Variants in TBC1D32 observed in about 807,000 individuals in gnomAD.
The protein encoded by TBC1D32 is TBC1 domain family member 32, also known as protein broad-minded.
In TBC1D32, 151 loss-of-function variants were observed where a neutral mutation model predicts 170.3. The ratio of observed to expected loss-of-function variants is 0.89; its 90% CI spans 0.78 to 1.01. The LOEUF is 1.01. Ranked by LOEUF, TBC1D32 falls within the 50% of genes least tolerant of loss-of-function variation. TBC1D32 has a pLI of 0.00. For synonymous variants in TBC1D32, 498 were observed against 488.0 expected (o/e 1.02, Z -0.27); for missense variants, 1,464 against 1,457.1 (o/e 1.00, Z -0.08).
chr6:121,226,245 A>C (rs1795046906), intron 20 of TBC1D32, among the ~76,000 whole-genome samples: 1 of 152,142 alleles, frequency 6.6e-6, no homozygotes, highest in South Asian at 2.1e-4. Flanking sequence ...GTGCAGGACA[A>C]AATACACTAT....
intron 26 of TBC1D32, among the ~76,000 whole-genome samples, chr6:121,116,922 T>C (rs1299303377): frequency 6.6e-6 from 1 of 152,188 alleles, no homozygotes; most frequent in East Asian, 1.9e-4. Context: ...AAATTAACTC[T>C]GAACATTTCA....
At chr6:121,229,099 CTTTAT>C (rs1342195140) in intron 20 of TBC1D32, among the ~76,000 whole-genome samples, 1 of 151,908 alleles carries the variant, frequency 6.6e-6, no homozygotes, top group Non-Finnish European at 1.5e-5. Context: ...TCCAACTTAT[CTTTAT>C]CTTTAAAGTG....
intron 21 of TBC1D32, among the ~76,000 whole-genome samples, chr6:121,209,500 C>T (rs1465200641): frequency 6.6e-6 from 1 of 152,172 alleles, no homozygotes; most frequent in Admixed American, 6.5e-5. Flanking sequence ...TTTCCCATCC[C>T]TAGCCACCAC....
At chr6:121,236,889 T>TCCA (rs1796398497) in intron 20 of TBC1D32, 1 of 152,052 alleles carries the variant, frequency 6.6e-6, no homozygotes, top group Non-Finnish European at 1.5e-5. Context: ...CCACTATGTA[T>TCCA]CATAATTTTG....
At chr6:121,118,646 G>C (rs1377685380) in intron 26 of TBC1D32, among the ~76,000 whole-genome samples, 1 of 152,124 alleles carries the variant, frequency 6.6e-6, no homozygotes, top group Non-Finnish European at 1.5e-5. Flanking sequence ...CAAATCCATG[G>C]TTGGAGAGGC....
At position 121,281,572 on chromosome 6, in the gene TBC1D32, G is replaced by A. The variant is rs543310549; in HGVS notation, c.1580C>T (p.Pro527Leu). The change falls in exon 14 of 32, where the codon CCT becomes CTT. Residue 527 changes from proline to leucine, a missense_variant. Coordinates refer to ENST00000398212, the MANE Select transcript of TBC1D32 (RefSeq NM_152730.6). The stretch of plus-strand genomic sequence containing the variant: ...ATTTCCTTTCATTAAATTGTGAATA[G>A]GCTGAAGAAGTGTCTCTATTACAAT... ...NNIVIETLLQ[P>L]IHNLMKGNEA... The A allele has an allele frequency of 6.2e-7, 1 of 1,605,424 alleles. No individual in the cohort carries two copies. The highest frequency in any genetic ancestry group is 1.7e-5 in the Admixed American group (1 of 58,894).
At chr6:121,211,349 C>T (rs76469096) in intron 21 of TBC1D32, among the ~76,000 whole-genome samples, 2,279 of 152,074 alleles carry the variant, frequency 0.015, 41 homozygotes, top group African/African-American at 0.044. Context: ...CAAAAATAAA[C>T]GTCACTTTCA....
rs113258666 is a variant in TBC1D32, at chr6:121,294,717, T to C, written c.1141-57A>G. The C allele has an allele frequency of 3.8e-3, 4,826 of 1,277,106 alleles. 14 individuals are homozygous for C. Among genetic ancestry groups the C allele is most frequent in the Non-Finnish European group, 4.8e-3 (4,255 of 883,396 alleles). 79.1% of individuals were successfully genotyped at this position (1,277,106 alleles called of 1,614,324 possible). A position where few individuals can be genotyped will look rare whatever the true frequency, so the allele number is the denominator to read the frequency against. ...CTTTGCAGCCCTCAAGTCCAAGAAT[T>C]AAAAGAAATTAGTCAAAGCTGTAAA... On this transcript the variant is annotated intron_variant, in intron 10 of 31. Coordinates refer to ENST00000398212, the MANE Select transcript of TBC1D32 (RefSeq NM_152730.6).
chr6:121,172,647 T>C (rs569736443), intron 22 of TBC1D32, among the ~76,000 whole-genome samples: 17 of 152,320 alleles, frequency 1.1e-4, no homozygotes, highest in African/African-American at 4.1e-4. Context: ...GCTATGACCA[T>C]GTGACCAGCT....
At chr6:121,116,010 T>C (rs1035661507) in intron 26 of TBC1D32, among the ~76,000 whole-genome samples, 5 of 152,078 alleles carry the variant, frequency 3.3e-5, no homozygotes, top group Admixed American at 3.3e-4. Flanking sequence ...GCATTCAGGG[T>C]CTAGCTGAAA....
rs532100891 is a variant in TBC1D32 at position 121,330,316 on chromosome 6, G to A, written c.155+3960C>T. ...CTCAAAGTGCTGGGTTTACAGGTGTGAGCCACTGAGCCCAGCCCCGAGGGA... is the reference window on the plus strand; with the variant it reads ...CTCAAAGTGCTGGGTTTACAGGTGTAAGCCACTGAGCCCAGCCCCGAGGGA... On this transcript the variant is annotated intron_variant, in intron 1 of 31. Coordinates refer to ENST00000398212, the MANE Select transcript of TBC1D32 (RefSeq NM_152730.6). 2.3e-3 allele frequency among the ~76,000 whole-genome samples: 347 copies of A among 152,250 alleles called. 1 individual carries two copies. Among genetic ancestry groups the A allele is most frequent in the African/African-American group, 8.1e-3 (335 of 41,542 alleles).
intron 26 of TBC1D32, chr6:121,115,448 A>T: frequency 2.4e-6 from 1 of 410,034 alleles, no homozygotes; most frequent in Non-Finnish European, 4.4e-6. Context: ...TCCCATAAAA[A>T]GCATTGGAAA....
At position 121,180,709 on chromosome 6, in the gene TBC1D32, G is replaced by A. The variant is rs75593099; in HGVS notation, c.2571-19653C>T. ...TGGGTAAGCCTTCAAAAGCAAAGGCGACAATGCAAACGTAGACAAATGAGA... is the reference window on the plus strand; with the variant it reads ...TGGGTAAGCCTTCAAAAGCAAAGGCAACAATGCAAACGTAGACAAATGAGA... On this transcript the variant is annotated intron_variant, in intron 22 of 31. Coordinates refer to ENST00000398212, the MANE Select transcript of TBC1D32 (RefSeq NM_152730.6). Among the ~76,000 whole-genome samples the A allele has an allele frequency of 9.2e-3, 1,395 of 152,138 alleles. 24 individuals are homozygous for A. The highest frequency in any genetic ancestry group is 0.031 in the African/African-American group (1,280 of 41,522).
Position 121,230,909 on chromosome 6 carries a change from C to A in TBC1D32, c.2365-7557G>T, listed in dbSNP as rs140279465. 9.1e-4 allele frequency among the ~76,000 whole-genome samples: 138 copies of A among 152,072 alleles called. 2 individuals are homozygous for A. Among genetic ancestry groups the A allele is most frequent in the African/African-American group, 3.0e-3 (125 of 41,484 alleles). ...CATCACCTGAGTAGTGTACCCTGTA[C>A]CCAGTGTGTAGTCTCTTATCCATCA... is the stretch of plus-strand genomic sequence containing the variant. On this transcript the variant is annotated intron_variant, in intron 20 of 31. Transcript: ENST00000398212.
chr6:121,126,945 C>A (rs1780922238), intron 25 of TBC1D32, among the ~76,000 whole-genome samples: 1 of 152,116 alleles, frequency 6.6e-6, no homozygotes, highest in African/African-American at 2.4e-5. Context: ...AAGGCTTGAC[C>A]TATCTGGCTT....
At chr6:121,199,222 A>G (rs1189366069) in intron 22 of TBC1D32, among the ~76,000 whole-genome samples, 4 of 151,482 alleles carry the variant, frequency 2.6e-5, no homozygotes, top group Non-Finnish European at 5.9e-5. Context: ...TTTAAAAATA[A>G]AAAAACACCT....
intron 15 of TBC1D32, among the ~76,000 whole-genome samples, chr6:121,270,206 G>C (rs1365641058): frequency 2.0e-5 from 3 of 152,056 alleles, no homozygotes; most frequent in African/African-American, 7.2e-5. Context: ...AAAAGAACTA[G>C]AGAAGCAAGA....
intron 22 of TBC1D32, chr6:121,192,500 G>A (rs1314812): frequency 0.12 from 17,713 of 152,094 alleles, 1,487 homozygotes; most frequent in Admixed American, 0.23. Flanking sequence ...CAGAAGCTGA[G>A]GCTCAAATCC....
At chr6:121,277,852 T>A (rs1802442459) in intron 15 of TBC1D32, among the ~76,000 whole-genome samples, 1 of 150,622 alleles carries the variant, frequency 6.6e-6, no homozygotes, top group African/African-American at 2.4e-5. Context: ...CAGTAAAATT[T>A]ATAAGCCTCT....
Sources: gnomAD v4.1 joint callset for allele counts (sites outside exome capture counted in the v4.1 genomes callset) on GRCh38, gnomAD v4.1.1 for gene constraint, MANE v1.5 for transcripts, NCBI Gene and HGNC (gene_info 2026-07-23, HGNC 2026-07-21) for gene names.